Variants in LEPR observed in about 807,000 individuals in gnomAD.
LEPR encodes leptin receptor.
In LEPR, 56 loss-of-function variants were observed where a neutral mutation model predicts 114.7. The observed-to-expected ratio is 0.49, with a 90% confidence interval of 0.39 to 0.61. LEPR has a LOEUF of 0.61. LEPR is among the 20% of genes least tolerant of loss of function. LEPR has a pLI of 0.00. For synonymous variants in LEPR, 443 were observed against 461.4 expected (o/e 0.96, Z 0.51); for missense variants, 1,202 against 1,352.9 (o/e 0.89, Z 1.75).
At chr1:65,572,269 T>C (rs931297389) in intron 4 of LEPR, 57 bp from the exon 5 acceptor site, 2 of 1,475,842 alleles carry the variant, frequency 1.4e-6, no homozygotes, top group African/African-American at 2.9e-5. Flanking sequence ...GTTCAGATGG[T>C]TTTTGAGATT....
chr1:65,440,504 G>A (rs966229691), intron 2 of LEPR, among the ~76,000 whole-genome samples: 13 of 152,090 alleles, frequency 8.5e-5, no homozygotes, highest in Non-Finnish European at 1.5e-5. Context: ...AACGGGTGAC[G>A]GTGGCTTCTG....
rs772788728 is a variant in LEPR at position 65,598,675 on chromosome 1, T to A, written c.865T>A (p.Ser289Thr). 1.2e-6 allele frequency: 2 copies of A among 1,613,378 alleles called. No individual in the cohort carries two copies. Among genetic ancestry groups the A allele is most frequent in the African/African-American group, 2.7e-5 (2 of 75,020 alleles). ...TVIREADKIV[S>T]ATSLLVDSIL... ...TATTTAACAGGCTGACAAGATTGTC[T>A]CAGCTACATCCCTGCTAGTAGACAG... Residue 289 changes from serine to threonine, a missense_variant, in exon 8 of 20, where the codon TCA becomes ACA. Coordinates refer to ENST00000349533, the MANE Select transcript of LEPR (RefSeq NM_002303.6).
intron 2 of LEPR, among the ~76,000 whole-genome samples, chr1:65,520,412 T>C (rs953550008): frequency 6.6e-6 from 1 of 152,202 alleles, no homozygotes; most frequent in Non-Finnish European, 1.5e-5. Context: ...CTCTGGTATA[T>C]TGACTTCAGA....
At chr1:65,520,456 T>G (rs1367133250) in intron 2 of LEPR, among the ~76,000 whole-genome samples, 1 of 152,218 alleles carries the variant, frequency 6.6e-6, no homozygotes, top group African/African-American at 2.4e-5. Flanking sequence ...TCACATTCTG[T>G]TTTTAGTAGT....
At chr1:65,446,834 C>G (rs1040170535) in intron 2 of LEPR, among the ~76,000 whole-genome samples, 1 of 151,902 alleles carries the variant, frequency 6.6e-6, no homozygotes, top group Non-Finnish European at 1.5e-5. Flanking sequence ...TTGATAAAAT[C>G]TAATTTATCT....
chr1:65,627,132 C>G (rs1488094478), intron 19 of LEPR, among the ~76,000 whole-genome samples: 1 of 152,156 alleles, frequency 6.6e-6, no homozygotes, highest in East Asian at 1.9e-4. Flanking sequence ...GCTCACCCAG[C>G]CTGTCCATGT....
At chr1:65,596,389 CA>C (rs1656064804) in intron 6 of LEPR, 58 bp from the exon 7 acceptor site, 1 of 1,589,068 alleles carries the variant, frequency 6.3e-7, no homozygotes, top group Non-Finnish European at 8.6e-7. Context: ...TTATTTTATT[CA>C]GCTATAATTG....
At chr1:65,442,471 A>G (rs568883960) in intron 2 of LEPR, among the ~76,000 whole-genome samples, 3 of 152,320 alleles carry the variant, frequency 2.0e-5, no homozygotes, top group East Asian at 3.9e-4. Context: ...CTAAATGTAT[A>G]AAAACCAAGC....
intron 2 of LEPR, among the ~76,000 whole-genome samples, chr1:65,474,288 T>G (rs1318882462): frequency 6.6e-6 from 1 of 152,210 alleles, no homozygotes; most frequent in African/African-American, 2.4e-5. Context: ...CCAGGACACC[T>G]GGGGCTCAGC....
intron 5 of LEPR, among the ~76,000 whole-genome samples, chr1:65,579,696 T>TTAA (rs1444003207): frequency 3.9e-5 from 6 of 152,344 alleles, no homozygotes; most frequent in African/African-American, 1.4e-4. Flanking sequence ...ATCAGCAGGT[T>TTAA]AAGGCAAAAT....
chr1:65,535,802 G>C (rs765063088), intron 2 of LEPR, among the ~76,000 whole-genome samples: 1 of 152,068 alleles, frequency 6.6e-6, no homozygotes, highest in Non-Finnish European at 1.5e-5. Context: ...GGCATTTACC[G>C]ATGCTCTTTG....
intron 1 of LEPR, 59 bp downstream of exon 1, chr1:65,420,799 C>G (rs1209823192): frequency 1.9e-6 from 3 of 1,552,098 alleles, no homozygotes; most frequent in African/African-American, 2.7e-5. Context: ...CCGTTCCGGT[C>G]AAGCCTGGGG....
chr1:65,482,233 G>T (rs1003404612), intron 2 of LEPR, among the ~76,000 whole-genome samples: 1 of 151,774 alleles, frequency 6.6e-6, no homozygotes, highest in Non-Finnish European at 1.5e-5. Context: ...ATTAATAGAA[G>T]ATATATCATA....
intron 2 of LEPR, among the ~76,000 whole-genome samples, chr1:65,552,793 G>A (rs988119146): frequency 1.3e-5 from 2 of 152,154 alleles, no homozygotes; most frequent in Non-Finnish European, 2.9e-5. Context: ...ATTAGTTGAT[G>A]CAGTTTCTTC....
intron 2 of LEPR, among the ~76,000 whole-genome samples, chr1:65,549,284 G>A (rs1652073791): frequency 1.3e-5 from 2 of 150,080 alleles, no homozygotes; most frequent in South Asian, 2.1e-4. Flanking sequence ...ACAATTATGT[G>A]TCTTGGAGTT....
At chr1:65,566,650 T>C (rs370696652) in intron 3 of LEPR, among the ~76,000 whole-genome samples, 1 of 152,238 alleles carries the variant, frequency 6.6e-6, no homozygotes, top group African/African-American at 2.4e-5. Context: ...ACAAAACTTA[T>C]GTGATTTGGC....
intron 2 of LEPR, chr1:65,427,825 G>T (rs1482072320): frequency 2.4e-6 from 1 of 410,672 alleles, no homozygotes; most frequent in South Asian, 1.8e-5. Flanking sequence ...AGTTTTTGTA[G>T]AGACCGAGTC....
At chr1:65,553,088 G>A (rs1442142863) in intron 2 of LEPR, among the ~76,000 whole-genome samples, 1 of 152,218 alleles carries the variant, frequency 6.6e-6, no homozygotes, top group Non-Finnish European at 1.5e-5. Context: ...CATATCCACT[G>A]TTAGTCTGAT....
chr1:65,551,658 T>C (rs1368372199), intron 2 of LEPR, among the ~76,000 whole-genome samples: 4 of 152,170 alleles, frequency 2.6e-5, no homozygotes, highest in Non-Finnish European at 5.9e-5. Context: ...AAAATCCAGC[T>C]CCTGGATTCA....
Sources: allele counts gnomAD v4.1 joint callset (sites outside exome capture counted in the v4.1 genomes callset), GRCh38; gene constraint gnomAD v4.1.1; transcripts MANE v1.5; gene names NCBI Gene and HGNC (gene_info 2026-07-23, HGNC 2026-07-21).